Variants in STIL observed in about 807,000 individuals in gnomAD.
The protein encoded by STIL is SCL-interrupting locus protein.
In STIL, 55 loss-of-function variants were observed where a neutral mutation model predicts 110.1. That is an observed-to-expected ratio of 0.50 (90% confidence interval 0.40 to 0.63). The LOEUF (loss-of-function observed/expected upper bound fraction) is 0.63, where lower values mean the gene tolerates loss of function less well. Among genes scored for constraint, STIL ranks in the 20% least tolerant of loss-of-function variants. STIL has a pLI of 0.00. For missense variants in STIL, 1,358 were observed against 1,530.0 expected, an observed-to-expected ratio of 0.89 and a Z score of 1.87; for synonymous variants, 481 against 530.0, an observed-to-expected ratio of 0.91 and a Z score of 1.27.
intron 8 of STIL, among the ~76,000 whole-genome samples, chr1:47,290,219 A>C (rs1645440055): frequency 1.3e-5 from 2 of 152,238 alleles, no homozygotes; most frequent in Non-Finnish European, 2.9e-5. Context: ...GGAGTGGGTG[A>C]ATCTTTTCTA....
chr1:47,278,135 T>G (rs1018277743), intron 12 of STIL, among the ~76,000 whole-genome samples: 4 of 152,156 alleles, frequency 2.6e-5, no homozygotes, highest in Admixed American at 6.6e-5. Context: ...GAATCTATAG[T>G]ATAGAGATAC....
At position 47,309,152 on chromosome 1, in the gene STIL, G is replaced by A. The variant is rs568288505; in HGVS notation, c.44+1124C>T. On this transcript the variant is annotated intron_variant, in intron 2 of 16. Coordinates refer to ENST00000371877, the MANE Select transcript of STIL (RefSeq NM_001048166.1). ...GGGATGGATACCCTATTTCCCATATGTGATTATTACACATTGCATGCCTTA... is the reference window on the plus strand; with the variant it reads ...GGGATGGATACCCTATTTCCCATATATGATTATTACACATTGCATGCCTTA... Among the ~76,000 whole-genome samples the A allele has an allele frequency of 1.6e-4, 25 of 152,154 alleles. 1 individual carries two copies. In the Middle Eastern group the frequency reaches 0.02, roughly 124 times the overall value.
intron 14 of STIL, among the ~76,000 whole-genome samples, chr1:47,266,889 A>T (rs994351501): frequency 1.3e-5 from 2 of 152,210 alleles, no homozygotes; most frequent in Non-Finnish European, 2.9e-5. Flanking sequence ...GCAATAAATT[A>T]AAAAATCTTT....
intron 6 of STIL, 57 bp from the exon 7 acceptor site, chr1:47,295,905 G>C: frequency 7.9e-7 from 1 of 1,258,018 alleles, no homozygotes; most frequent in Non-Finnish European, 1.2e-6. Flanking sequence ...TTACCTAAAA[G>C]ACATAATCTA....
Position 47,269,846 on chromosome 1 carries a change from C to T in STIL, c.2404G>A (p.Ala802Thr). The T allele has an allele frequency of 6.2e-7, 1 of 1,614,158 alleles. No homozygotes were observed. Residue 802 changes from alanine to threonine, a missense_variant, in exon 14 of 17, where the codon GCA (alanine) becomes ACA (threonine). Ala to Thr is a moderately conservative substitution (Grantham distance 58, BLOSUM62 0). Coordinates refer to ENST00000371877, the MANE Select transcript of STIL (RefSeq NM_001048166.1). ...TCAGGCTCTTGATCCTCACCTGCTGCATTCCAAAACAAGCTAGCACCTGGA... is the reference window on the plus strand; with the variant it reads ...TCAGGCTCTTGATCCTCACCTGCTGTATTCCAAAACAAGCTAGCACCTGGA... Reference protein sequence around the residue: ...VSTGASLFWNAAGEDQEPDSQ... With the variant: ...VSTGASLFWNTAGEDQEPDSQ...
intron 15 of STIL, 115 bp downstream of exon 15, chr1:47,262,788 C>T: frequency 1.1e-6 from 1 of 928,512 alleles, no homozygotes; most frequent in South Asian, 1.6e-5. Flanking sequence ...GTTAATTAGA[C>T]AAAAAATCTT....
intron 12 of STIL, among the ~76,000 whole-genome samples, chr1:47,276,001 A>G (rs72684396): frequency 0.071 from 4,899 of 69,312 alleles, 110 homozygotes; most frequent in South Asian, 0.16. Flanking sequence ...AATGACTCAT[A>G]CTTTTTTTTT....
intron 14 of STIL, among the ~76,000 whole-genome samples, chr1:47,266,706 G>T (rs11211500): frequency 0.25 from 38,448 of 151,952 alleles, 5,214 homozygotes; most frequent in Non-Finnish European, 0.31. Context: ...AATTCCACAA[G>T]TCCAAGACAT....
Position 47,301,575 on chromosome 1 carries a change from T to G in STIL, c.439A>C (p.Ser147Arg). The change falls in exon 5 of 17, where the codon AGT becomes CGT. Residue 147 changes from serine (S) to arginine (R), a missense_variant. Ser to Arg is a moderately radical substitution (Grantham distance 110). Coordinates refer to ENST00000371877, the MANE Select transcript of STIL (RefSeq NM_001048166.1). The part of the protein sequence containing the change: ...EMIVHSVDDF[S>R]SALKALQCHI... ...ATGAATCGCACCTTTAAAGCTGAAC[T>G]GAAGTCATCTACACTGTGAACTATC... The G allele has an allele frequency of 6.2e-7, 1 of 1,613,396 alleles. No individual in the cohort carries two copies. Among genetic ancestry groups the G allele is most frequent in the Non-Finnish European group, 8.5e-7 (1 of 1,179,878 alleles).
Position 47,269,788 on chromosome 1 carries a change from G to C in STIL, c.2462C>G (p.Ser821Cys). ...GACAGAAAAATTCATGTCCTCACTG[G>C]AAATTTTGGTATCATCTTGCTTCAT... ...SQMKQDDTKI[S>C]SEDMNFSVDI... Residue 821 changes from serine to cysteine, a missense_variant, in exon 14 of 17, where the codon TCC becomes TGC. Ser to Cys is a moderately radical substitution (Grantham distance 112, BLOSUM62 -1). Transcript: ENST00000371877. The C allele has an allele frequency of 6.2e-7, 1 of 1,614,156 alleles. No homozygotes were observed. Among genetic ancestry groups the C allele is most frequent in the Non-Finnish European group, 8.5e-7 (1 of 1,180,022 alleles).
intron 16 of STIL, among the ~76,000 whole-genome samples, chr1:47,254,096 G>T (rs774636870): frequency 1.9e-4 from 26 of 140,164 alleles, no homozygotes; most frequent in Non-Finnish European, 3.6e-4. Flanking sequence ...CAGGAGAATC[G>T]GTTAAACACA....
chr1:47,292,452 T>C (rs1645522739), intron 8 of STIL, among the ~76,000 whole-genome samples: 1 of 152,156 alleles, frequency 6.6e-6, no homozygotes, highest in Admixed American at 6.5e-5. Context: ...CACAAAGATG[T>C]ATGCATAAAA....
intron 2 of STIL, among the ~76,000 whole-genome samples, chr1:47,307,854 C>G (rs1449915893): frequency 2.0e-5 from 3 of 152,214 alleles, no homozygotes; most frequent in Non-Finnish European, 4.4e-5. Flanking sequence ...GGGTAGGTCT[C>G]TGAACTGGCC....
rs1348729736 is a variant in STIL at position 47,282,344 on chromosome 1, C to A, written c.1248+1G>T. On this transcript the variant is annotated splice_donor_variant, in intron 11 of 16. Coordinates refer to ENST00000371877, the MANE Select transcript of STIL (RefSeq NM_001048166.1). LOFTEE classifies it high-confidence loss of function. Reference sequence around the variant, plus strand: ...TGAATGCATTTTAAAATCAGTGATACCTTCTGACTCACTGGATGAGGACTA... The same window carrying A: ...TGAATGCATTTTAAAATCAGTGATAACTTCTGACTCACTGGATGAGGACTA... 2 of 1,597,200 alleles carry A rather than the reference C, an allele frequency of 1.3e-6. No individual in the cohort carries two copies. Among genetic ancestry groups the A allele is most frequent in the East Asian group, 2.2e-5 (1 of 44,730 alleles).
intron 1 of STIL, 81 bp downstream of exon 1, chr1:47,313,955 C>T (rs1181478690): frequency 6.6e-6 from 1 of 152,364 alleles, no homozygotes; most frequent in Non-Finnish European, 1.5e-5. Flanking sequence ...CACTACAGGG[C>T]TTTGAATGTT....
At chr1:47,260,236 A>T in intron 16 of STIL, 53 bp downstream of exon 16, 4 of 1,508,574 alleles carry the variant, frequency 2.7e-6, no homozygotes, top group Middle Eastern at 2.3e-4. Flanking sequence ...ATAAATAAAA[A>T]TTTTTAAAAA....
chr1:47,280,481 TGAA>T lies in STIL; in HGVS notation c.1974_1976del (p.Ser661del). The T allele has an allele frequency of 6.2e-7, 1 of 1,614,248 alleles. No individual in the cohort carries two copies. The highest frequency in any genetic ancestry group is 8.5e-7 in the Non-Finnish European group (1 of 1,180,046). On this transcript the variant is annotated inframe_deletion, in exon 12 of 17. Coordinates refer to ENST00000371877, the MANE Select transcript of STIL (RefSeq NM_001048166.1). ...GAGGTCTCAAGGCTATAGGACTACT[TGAA>T]GAACAGAATGCATTACAGTACAGGG...
intron 13 of STIL, 72 bp from the exon 14 acceptor site, chr1:47,269,938 T>C (rs1644770002): frequency 7.0e-7 from 1 of 1,428,844 alleles, no homozygotes; most frequent in Non-Finnish European, 9.9e-7. Context: ...CAAACCTTTG[T>C]TAAGAATAGC....
At position 47,250,381 on chromosome 1, in the gene STIL, G is replaced by A. The variant is rs904871309; in HGVS notation, c.*755C>T. 1.2e-5 allele frequency: 2 copies of A among 173,572 alleles called. No individual in the cohort carries two copies. The highest frequency in any genetic ancestry group is 2.4e-5 in the African/African-American group (1 of 42,126). 10.8% of individuals were successfully genotyped at this position (173,572 alleles called of 1,614,324 possible). ...TACACTCTTGTATAAAAGAGTGTAAGTTTTTATTAAGTTGTTTTTAAAAAT... is the reference window on the plus strand; with the variant it reads ...TACACTCTTGTATAAAAGAGTGTAAATTTTTATTAAGTTGTTTTTAAAAAT... On this transcript the variant is annotated 3_prime_UTR_variant, in exon 17 of 17. Coordinates refer to ENST00000371877, the MANE Select transcript of STIL (RefSeq NM_001048166.1).
Sources: gnomAD v4.1 joint callset for allele counts (sites outside exome capture counted in the v4.1 genomes callset) on GRCh38, gnomAD v4.1.1 for gene constraint, MANE v1.5 for transcripts, NCBI Gene and HGNC (gene_info 2026-07-23, HGNC 2026-07-21) for gene names.